The following PRKN variants were observed in gnomAD, a reference collection of about 807,000 sequenced individuals.
The protein encoded by PRKN is parkin RBR E3 ubiquitin protein ligase, also known as E3 ubiquitin-protein ligase parkin.
A neutral mutation model predicts 59.5 loss-of-function variants in PRKN; 56 were observed. That is an observed-to-expected ratio of 0.94 (90% CI 0.76 to 1.18). The LOEUF (loss-of-function observed/expected upper bound fraction) is 1.18, where lower values mean the gene tolerates loss of function less well. Among genes scored for constraint, PRKN ranks in the 50% most tolerant of loss-of-function variants. The pLI, the probability that PRKN is intolerant of heterozygous loss-of-function variation, is 0.00. For synonymous variants in PRKN, 250 were observed against 222.1 expected, an observed-to-expected ratio of 1.13 and a Z score of -1.12; for missense variants, 657 against 596.4, an observed-to-expected ratio of 1.10 and a Z score of -1.06.
intron 7 of PRKN, among the ~76,000 whole-genome samples, chr6:161,603,269 A>G (rs1315798096): frequency 6.6e-6 from 1 of 152,182 alleles, no homozygotes; most frequent in Non-Finnish European, 1.5e-5. Flanking sequence ...ACTCAGACTC[A>G]TTTCCTATGA....
rs1778704063 is a variant in PRKN, at chr6:161,518,619, C to A, written c.1083+30235G>T. Among the ~76,000 whole-genome samples, 1 of 152,200 alleles carries A rather than the reference C, an allele frequency of 6.6e-6. No individual in the cohort carries two copies. The highest frequency in any genetic ancestry group is 6.5e-5 in the Admixed American group (1 of 15,288). ...TCAATGTTAATGCCACGGCCTCCCC[C>A]TAGCAGCACAAGCCCAGCCTCCGCT... On this transcript the variant is annotated intron_variant, in intron 9 of 11. Transcript: ENST00000366898. The surrounding 1 kb of genome is among the most constrained non-coding windows in gnomAD (Gnocchi z 5.0).
intron 4 of PRKN, among the ~76,000 whole-genome samples, chr6:162,164,720 T>C (rs759012906): frequency 6.7e-6 from 1 of 149,196 alleles, no homozygotes; most frequent in South Asian, 2.1e-4. Flanking sequence ...ATCAGAAGCC[T>C]ATGTGCCATC....
chr6:161,920,758 C>T (rs1364649972), intron 6 of PRKN, among the ~76,000 whole-genome samples: 1 of 151,566 alleles, frequency 6.6e-6, no homozygotes, highest in Non-Finnish European at 1.5e-5. Flanking sequence ...CCACTGCACT[C>T]CAGCCTGGCA....
At chr6:162,034,559 G>A (rs1783769344) in intron 5 of PRKN, among the ~76,000 whole-genome samples, 1 of 152,128 alleles carries the variant, frequency 6.6e-6, no homozygotes, top group Non-Finnish European at 1.5e-5. Context: ...AACTTGAAAG[G>A]TGAACAGGAG....
At chr6:161,485,866 A>T (rs541398917) in intron 9 of PRKN, among the ~76,000 whole-genome samples, 2 of 152,000 alleles carry the variant, frequency 1.3e-5, no homozygotes, top group Non-Finnish European at 2.9e-5. Flanking sequence ...AGTATAGGAA[A>T]ATCAGTTAAA....
At chr6:162,021,668 T>A (rs1271264332) in intron 5 of PRKN, among the ~76,000 whole-genome samples, 1 of 152,046 alleles carries the variant, frequency 6.6e-6, no homozygotes, top group African/African-American at 2.4e-5. Flanking sequence ...ATTCCCTACT[T>A]CTGGGATGGG....
chr6:161,785,685 A>T lies in PRKN; in HGVS notation c.871+87T>A, dbSNP rs573955244. The T allele has an allele frequency of 1.5e-4, 186 of 1,243,054 alleles. No individual in the cohort carries two copies. The Middle Eastern group carries it at 1.9e-3, about 12-fold the overall frequency. 77.0% of individuals were successfully genotyped at this position (1,243,054 alleles called of 1,614,324 possible). On this transcript the variant is annotated intron_variant, in intron 7 of 11. Transcript: ENST00000366898. ...AATTTAAATTCTTCTGCTAGGGTTTACGTATATCTAAGCCAGTTTTACATC... is the reference window on the plus strand; with the variant it reads ...AATTTAAATTCTTCTGCTAGGGTTTTCGTATATCTAAGCCAGTTTTACATC...
chr6:161,384,144 C>A (rs1167426611), intron 10 of PRKN, among the ~76,000 whole-genome samples: 1 of 152,194 alleles, frequency 6.6e-6, no homozygotes, highest in South Asian at 2.1e-4. Flanking sequence ...TCTGTGGCAT[C>A]TATTGAAGCC....
At chr6:161,504,590 T>C (rs1778084496) in intron 9 of PRKN, among the ~76,000 whole-genome samples, 1 of 149,624 alleles carries the variant, frequency 6.7e-6, no homozygotes, top group Non-Finnish European at 1.5e-5. Context: ...TAGTTACATA[T>C]GTATACATGT....
intron 9 of PRKN, among the ~76,000 whole-genome samples, chr6:161,536,782 C>T (rs1405708394): frequency 6.6e-6 from 1 of 152,170 alleles, no homozygotes; most frequent in Admixed American, 6.5e-5. Context: ...ATCATGTTTA[C>T]AAGGGAAGTT....
Position 162,056,316 on chromosome 6 carries a change from C to G in PRKN, c.535-2142G>C, listed in dbSNP as rs765289096. 5.3e-5 allele frequency among the ~76,000 whole-genome samples: 8 copies of G among 151,852 alleles called. No individual in the cohort carries two copies. The highest frequency in any genetic ancestry group is 1.2e-4 in the Non-Finnish European group (8 of 67,966). On this transcript the variant is annotated intron_variant, in intron 4 of 11. Transcript: ENST00000366898. This position sits in a 1 kb window ranked among gnomAD's most constrained non-coding sequence, Gnocchi z 4.9. ...CATGCATAAACACACCACGCACACA[C>G]GCACACACACACAATACCACACAGC... is the stretch of plus-strand genomic sequence containing the variant.
At chr6:161,752,716 TG>T (rs1227584877) in intron 7 of PRKN, among the ~76,000 whole-genome samples, 1 of 152,108 alleles carries the variant, frequency 6.6e-6, no homozygotes, top group South Asian at 2.1e-4. Context: ...AAAAACATGC[TG>T]GCTTTTGTGT....
intron 1 of PRKN, among the ~76,000 whole-genome samples, chr6:162,583,114 A>G (rs1780852687): frequency 6.6e-6 from 1 of 152,130 alleles, no homozygotes; most frequent in Non-Finnish European, 1.5e-5. Context: ...CCCCTCGCTC[A>G]GGAGGACAGG....
At chr6:162,153,042 G>T (rs1782341388) in intron 4 of PRKN, among the ~76,000 whole-genome samples, 1 of 152,208 alleles carries the variant, frequency 6.6e-6, no homozygotes, top group South Asian at 2.1e-4. Context: ...TTAAATGCCT[G>T]AATTACCAGG....
chr6:161,845,097 C>G (rs886893117), intron 6 of PRKN, among the ~76,000 whole-genome samples: 1 of 152,162 alleles, frequency 6.6e-6, no homozygotes, highest in African/African-American at 2.4e-5. Context: ...AGAACTTGAA[C>G]CTACTTCTCT....
chr6:162,348,569 A>G (rs1784500571), intron 2 of PRKN, among the ~76,000 whole-genome samples: 1 of 152,230 alleles, frequency 6.6e-6, no homozygotes, highest in Non-Finnish European at 1.5e-5. Flanking sequence ...CAGAGTCAAA[A>G]TCAATTATAT....
intron 7 of PRKN, among the ~76,000 whole-genome samples, chr6:161,601,646 G>T (rs147411733): frequency 0.066 from 9,870 of 150,540 alleles, 1,101 homozygotes; most frequent in African/African-American, 0.23. Context: ...GCAGTGGCGC[G>T]ATCTCGGCTC....
intron 1 of PRKN, among the ~76,000 whole-genome samples, chr6:162,722,954 C>G (rs1172055736): frequency 1.3e-5 from 2 of 152,160 alleles, no homozygotes; most frequent in African/African-American, 2.4e-5. Context: ...AATTTTACCT[C>G]ATTATAAACA....
At position 161,361,766 on chromosome 6, in the gene PRKN, G is replaced by A. The variant is rs1784984709; in HGVS notation, c.1168-1561C>T. Among the ~76,000 whole-genome samples, 1 of 152,210 alleles carries A rather than the reference G, an allele frequency of 6.6e-6. No homozygotes were observed. The highest frequency in any genetic ancestry group is 6.5e-5 in the Admixed American group (1 of 15,282). On this transcript the variant is annotated intron_variant, in intron 10 of 11. Transcript: ENST00000366898. The surrounding 1 kb of genome is among the most constrained non-coding windows in gnomAD (Gnocchi z 5.2). ...GAATACTTTGCTAGAATAACGTGGA[G>A]TCAGCTGCTCGGAGGCAACGGTAGG...
Sources: allele counts gnomAD v4.1 joint callset (sites outside exome capture counted in the v4.1 genomes callset), GRCh38; gene constraint gnomAD v4.1.1; non-coding constraint Gnocchi (gnomAD v3.1); transcripts MANE v1.5; gene names NCBI Gene and HGNC (gene_info 2026-07-23, HGNC 2026-07-21).